Variants in ZPLD1 observed in about 807,000 individuals in gnomAD.
The protein encoded by ZPLD1 is zona pellucida-like domain-containing protein 1.
In ZPLD1, 34 loss-of-function variants were observed where a neutral mutation model predicts 47.2. That is an observed-to-expected ratio of 0.72 (90% CI 0.55 to 0.96). ZPLD1 has a LOEUF of 0.96. Among genes scored for constraint, ZPLD1 ranks in the 40% least tolerant of loss-of-function variants. ZPLD1 has a pLI of 0.00. For missense variants in ZPLD1, 512 were observed against 505.8 expected, an observed-to-expected ratio of 1.01 and a Z score of -0.12; for synonymous variants, 176 against 186.2, an observed-to-expected ratio of 0.95 and a Z score of 0.45.
At chr3:102,477,145 C>A in intron 11 of ZPLD1, 104 bp downstream of exon 11, 1 of 1,308,400 alleles carries the variant, frequency 7.6e-7, no homozygotes, top group Non-Finnish European at 1.1e-6. Context: ...CAAGTTTGGT[C>A]CATTTTAGAT....
intron 7 of ZPLD1, among the ~76,000 whole-genome samples, chr3:102,463,766 G>C (rs1193026863): frequency 1.3e-5 from 2 of 151,904 alleles, no homozygotes; most frequent in African/African-American, 4.8e-5. Context: ...TCAGGCAAGC[G>C]CGGTGGCTCA....
At chr3:102,469,681 T>C (rs1042551214) in intron 9 of ZPLD1, among the ~76,000 whole-genome samples, 1 of 152,118 alleles carries the variant, frequency 6.6e-6, no homozygotes, top group Non-Finnish European at 1.5e-5. Context: ...GTAGAGATGA[T>C]TGGAAAACCC....
In ZPLD1 at chr3:102,465,572, AT is replaced by A. The variant is rs954699946; in HGVS notation, c.761+1329del. Among the ~76,000 whole-genome samples the A allele has an allele frequency of 4.0e-5, 6 of 151,888 alleles. No individual in the cohort carries two copies. In the East Asian group the frequency reaches 5.8e-4, roughly 15 times the overall value. On this transcript the variant is annotated intron_variant, in intron 8 of 11. Coordinates refer to ENST00000466937, the MANE Select transcript of ZPLD1 (RefSeq NM_001329788.2). Reference sequence around the variant, plus strand: ...TTTTTTATGCTTGGTAGGGTTATGGATTTTTTTTGACATTTCTCTTATTTTC... The same window carrying A: ...TTTTTTATGCTTGGTAGGGTTATGGATTTTTTTGACATTTCTCTTATTTTC...
At chr3:102,423,307 A>G (rs1352181681) in intron 8 of ZPLD1, among the ~76,000 whole-genome samples, 4 of 152,094 alleles carry the variant, frequency 2.6e-5, no homozygotes, top group African/African-American at 9.6e-5. Context: ...CAATGACAAA[A>G]GACAACTAGA....
rs144190521 is a variant in ZPLD1 at position 102,402,121 on chromosome 3, A to G, written c.-157+9896A>G. Among the ~76,000 whole-genome samples, 193 of 152,222 alleles carry G rather than the reference A, an allele frequency of 1.3e-3. 1 individual carries two copies. The highest frequency in any genetic ancestry group is 4.4e-3 in the African/African-American group (181 of 41,582). On this transcript the variant is annotated intron_variant, in intron 7 of 17. Coordinates refer to the ZPLD1 transcript ENST00000491959. ...TAAAAATGCCTCAGTAAAATGAGGC[A>G]TTTCTTAGCCCACAAGAAGTCCATA...
chr3:102,468,822 T>G, intron 8 of ZPLD1, 142 bp from the exon 9 acceptor site: 1 of 714,714 alleles, frequency 1.4e-6, no homozygotes. Flanking sequence ...GCTTATGCTA[T>G]GATTAAATAT....
intron 7 of ZPLD1, among the ~76,000 whole-genome samples, chr3:102,401,501 G>A (rs963618050): frequency 4.6e-5 from 7 of 152,122 alleles, no homozygotes; most frequent in African/African-American, 1.7e-4. Context: ...CCATTGGATT[G>A]GTGCTTTGTC....
chr3:102,467,159 A>C (rs1350759150), intron 8 of ZPLD1, among the ~76,000 whole-genome samples: 3 of 152,180 alleles, frequency 2.0e-5, no homozygotes, highest in Non-Finnish European at 4.4e-5. Flanking sequence ...ATATACAGAG[A>C]GACAGCAATT....
chr3:102,463,928 T>G (rs1707549570), intron 7 of ZPLD1, among the ~76,000 whole-genome samples: 1 of 149,700 alleles, frequency 6.7e-6, no homozygotes, highest in South Asian at 2.1e-4. Context: ...CGGGCGCCTG[T>G]AGTCCCAGCT....
At chr3:102,387,900 G>A (rs1463780936) in intron 6 of ZPLD1, among the ~76,000 whole-genome samples, 1 of 118,780 alleles carries the variant, frequency 8.4e-6, no homozygotes, top group Admixed American at 1.2e-4. Context: ...TCTCTCTGTC[G>A]CCCAGGCTGG....
At position 102,456,273 on chromosome 3, in the gene ZPLD1, TC is replaced by T. The variant is rs1458108163; in HGVS notation, c.410del (p.Pro137GlnfsTer41). On this transcript the variant is annotated frameshift_variant, in exon 5 of 12. Coordinates refer to ENST00000466937, the MANE Select transcript of ZPLD1 (RefSeq NM_001329788.2). LOFTEE classifies it high-confidence loss of function. ...GAAATATTTCAGGATATATTGATACTCCAGACCCACCAACAATCATCAGCTA... is the reference window on the plus strand; with the variant it reads ...GAAATATTTCAGGATATATTGATACTCAGACCCACCAACAATCATCAGCTA... ...VGNISGYIDT[P>X]DPPTIISYLP... 1.2e-6 allele frequency: 2 copies of T among 1,613,920 alleles called. No individual in the cohort carries two copies. The highest frequency in any genetic ancestry group is 1.7e-6 in the Non-Finnish European group (2 of 1,179,886).
chr3:102,450,205 G>A (rs535343180), intron 3 of ZPLD1, among the ~76,000 whole-genome samples: 2 of 152,078 alleles, frequency 1.3e-5, no homozygotes, highest in Non-Finnish European at 2.9e-5. Flanking sequence ...ACTGATACAT[G>A]TACTTTGTGT....
chr3:102,443,093 G>C (rs1221505509), intron 3 of ZPLD1, among the ~76,000 whole-genome samples: 3 of 152,100 alleles, frequency 2.0e-5, no homozygotes, highest in African/African-American at 7.2e-5. Flanking sequence ...TGAGGATTAG[G>C]CTAAACTTTC....
chr3:102,470,746 A>G lies in ZPLD1; in HGVS notation c.1042+244A>G, dbSNP rs985625823. Among the ~76,000 whole-genome samples, 9 of 151,288 alleles carry G rather than the reference A, an allele frequency of 5.9e-5. No homozygotes were observed. In the East Asian group the frequency reaches 9.7e-4, roughly 16 times the overall value. ...CACATACACACACACACACACACACACGCACACACGAGTAGGCCATGCTGG... is the reference window on the plus strand; with the variant it reads ...CACATACACACACACACACACACACGCGCACACACGAGTAGGCCATGCTGG... On this transcript the variant is annotated intron_variant, in intron 10 of 11. Coordinates refer to ENST00000466937, the MANE Select transcript of ZPLD1 (RefSeq NM_001329788.2).
intron 7 of ZPLD1, among the ~76,000 whole-genome samples, chr3:102,401,518 C>T (rs1026699073): frequency 1.4e-4 from 21 of 152,146 alleles, no homozygotes; most frequent in Middle Eastern, 3.4e-3. Flanking sequence ...TGTCTTCACA[C>T]GATACCTTAG....
At chr3:102,400,227 G>A (rs1706603809) in intron 7 of ZPLD1, among the ~76,000 whole-genome samples, 1 of 152,090 alleles carries the variant, frequency 6.6e-6, no homozygotes, top group African/African-American at 2.4e-5. Flanking sequence ...CCTGATGCAA[G>A]CATAGAGCTT....
chr3:102,438,689 A>G, intron 3 of ZPLD1, 96 bp downstream of exon 3: 1 of 813,542 alleles, frequency 1.2e-6, no homozygotes, highest in Non-Finnish European at 1.9e-6. Context: ...ACGGGGGGCT[A>G]TCTCTTTACA....
At chr3:102,406,631 TC>T (rs1176359511) in intron 7 of ZPLD1, among the ~76,000 whole-genome samples, 1 of 151,960 alleles carries the variant, frequency 6.6e-6, no homozygotes, top group Non-Finnish European at 1.5e-5. Flanking sequence ...TACTTTCTCC[TC>T]AAATTCTAGG....
At chr3:102,445,378 G>A (rs1035653454) in intron 3 of ZPLD1, among the ~76,000 whole-genome samples, 3 of 152,080 alleles carry the variant, frequency 2.0e-5, no homozygotes, top group South Asian at 2.1e-4. Context: ...TCTCCCTCCC[G>A]TCCCTTTTAC....
Sources: gnomAD v4.1 joint callset for allele counts (sites outside exome capture counted in the v4.1 genomes callset) on GRCh38, gnomAD v4.1.1 for gene constraint, MANE v1.5 for transcripts, NCBI Gene and HGNC (gene_info 2026-07-23, HGNC 2026-07-21) for gene names.